Variants in RRM2 observed in about 807,000 individuals in gnomAD.
The protein encoded by RRM2 is ribonucleotide reductase regulatory subunit M2.
A neutral mutation model predicts 45.9 loss-of-function variants in RRM2; 6 were observed. The ratio of observed to expected loss-of-function variants is 0.13; its 90% CI spans 0.07 to 0.26. RRM2 has a LOEUF of 0.26. Among genes scored for constraint, RRM2 ranks in the 10% least tolerant of loss-of-function variants. The pLI, the probability that RRM2 is intolerant of heterozygous loss-of-function variation, is 1.00. For missense variants in RRM2, 343 were observed against 489.5 expected, an observed-to-expected ratio of 0.70 and a Z score of 2.82; for synonymous variants, 177 against 173.0, an observed-to-expected ratio of 1.02 and a Z score of -0.18.
At chr2:10,124,159 G>A (rs1035578543) in intron 4 of RRM2, 4 of 303,042 alleles carry the variant, frequency 1.3e-5, no homozygotes, top group African/African-American at 9.2e-5. Flanking sequence ...AGGCTGGAGT[G>A]CAGTGGTGTG....
intron 3 of RRM2, among the ~76,000 whole-genome samples, chr2:10,145,306 G>A (rs1191501552): frequency 6.6e-6 from 1 of 152,152 alleles, no homozygotes; most frequent in Non-Finnish European, 1.5e-5. Flanking sequence ...GCACGGTGGT[G>A]AGTTAGAGCC....
At chr2:10,174,574 TAA>T (rs5829250) in intron 3 of RRM2, among the ~76,000 whole-genome samples, 3,935 of 143,506 alleles carry the variant, frequency 0.027, 87 homozygotes, top group Non-Finnish European at 0.037. Flanking sequence ...ATTATTTCCT[TAA>T]AAAAAAAAAA....
At chr2:10,151,944 ATT>A (rs1408367028) in intron 3 of RRM2, among the ~76,000 whole-genome samples, 6 of 95,638 alleles carry the variant, frequency 6.3e-5, no homozygotes, top group African/African-American at 2.4e-4. Context: ...TTTATTTTTT[ATT>A]TTTTATTTTA....
chr2:10,210,695 CTG>C (rs1414215719), exon 4 of RRM2: 33 of 1,160,114 alleles, frequency 2.8e-5, no homozygotes, highest in Admixed American at 6.8e-5. Flanking sequence ...GGGTGGGAAA[CTG>C]GGGTGATGTG....
At chr2:10,142,158 G>A in intron 2 of RRM2, 1 of 1,564,504 alleles carries the variant, frequency 6.4e-7, no homozygotes, top group African/African-American at 1.3e-5. Context: ...AGTGGTCAGA[G>A]CAGAGTGAGG....
chr2:10,128,048 C>A (rs903777507), intron 7 of RRM2, among the ~76,000 whole-genome samples: 1 of 151,824 alleles, frequency 6.6e-6, no homozygotes, highest in Non-Finnish European at 1.5e-5. Flanking sequence ...GCCTATTGTC[C>A]CAGCTACTTG....
chr2:10,128,186 T>A (rs1304918689), intron 7 of RRM2, among the ~76,000 whole-genome samples: 4 of 152,290 alleles, frequency 2.6e-5, no homozygotes, highest in Middle Eastern at 3.4e-3. Flanking sequence ...GCCATTATGT[T>A]TCTCCTGTTT....
chr2:10,210,406 A>C, exon 4 of RRM2: 1 of 1,367,852 alleles, frequency 7.3e-7, no homozygotes, highest in South Asian at 1.1e-5. Flanking sequence ...ACAGCAAGAC[A>C]CCCAGAGTCC....
upstream of RRM2, among the ~76,000 whole-genome samples, chr2:10,137,466 G>A (rs777422109): frequency 1.3e-5 from 2 of 152,230 alleles, no homozygotes; most frequent in Middle Eastern, 3.2e-3. Context: ...CCTCTGCTTT[G>A]CCCCTTGTCA....
At position 10,185,205 on chromosome 2, in the gene RRM2, G is replaced by A. The variant is rs1258413468; in HGVS notation, n.483-25106G>A. ...CCACGCAGAGGAGAATCAGTATGCAGCTGTTAATTTTGGCTGCTGACTCCA... is the reference window on the plus strand; with the variant it reads ...CCACGCAGAGGAGAATCAGTATGCAACTGTTAATTTTGGCTGCTGACTCCA... On this transcript the variant is annotated intron_variant and non_coding_transcript_variant, in intron 3 of 3. Coordinates refer to the RRM2 transcript ENST00000381786. The surrounding 1 kb of genome is among the most constrained non-coding windows in gnomAD (Gnocchi z 4.3). Among the ~76,000 whole-genome samples the A allele has an allele frequency of 6.6e-6, 1 of 152,182 alleles. No homozygotes were observed. Among genetic ancestry groups the A allele is most frequent in the Non-Finnish European group, 1.5e-5 (1 of 68,044 alleles).
At chr2:10,160,571 C>T (rs1663534201) in intron 3 of RRM2, among the ~76,000 whole-genome samples, 1 of 152,314 alleles carries the variant, frequency 6.6e-6, no homozygotes, top group African/African-American at 2.4e-5. Flanking sequence ...AAGGCGGTTC[C>T]CTCATGCCCA....
At chr2:10,160,336 A>G (rs999853009) in intron 3 of RRM2, among the ~76,000 whole-genome samples, 1 of 152,178 alleles carries the variant, frequency 6.6e-6, no homozygotes, top group Non-Finnish European at 1.5e-5. Flanking sequence ...GAGCGGTGCC[A>G]AAGTCTGGTT....
At chr2:10,126,799 G>A in intron 5 of RRM2, 76 bp from the exon 6 acceptor site, 3 of 1,091,454 alleles carry the variant, frequency 2.7e-6, no homozygotes, top group African/African-American at 3.1e-5. Context: ...TTGTCCCAGA[G>A]CTCTTATCTA....
chr2:10,157,483 C>T (rs78665945), intron 3 of RRM2, among the ~76,000 whole-genome samples: 6,685 of 152,314 alleles, frequency 0.044, 228 homozygotes, highest in Middle Eastern at 0.1. Flanking sequence ...GGAAACCCCT[C>T]TTGGCTCCTC....
chr2:10,160,012 C>T (rs1222432280), intron 3 of RRM2, among the ~76,000 whole-genome samples: 1 of 152,168 alleles, frequency 6.6e-6, no homozygotes, highest in Admixed American at 6.5e-5. Flanking sequence ...TCTCCCTGCC[C>T]CTCCAGGCCC....
chr2:10,145,089 G>A (rs544103791), intron 3 of RRM2, among the ~76,000 whole-genome samples: 1 of 152,192 alleles, frequency 6.6e-6, no homozygotes, highest in Admixed American at 6.5e-5. Flanking sequence ...AAGGAGGGAG[G>A]GAAGGAGGCC....
At chr2:10,183,317 C>T (rs1214118383) in intron 3 of RRM2, among the ~76,000 whole-genome samples, 1 of 152,248 alleles carries the variant, frequency 6.6e-6, no homozygotes. Flanking sequence ...GCTGATGTGC[C>T]ATCTGACCCC....
intron 3 of RRM2, among the ~76,000 whole-genome samples, chr2:10,150,177 G>A (rs2125314738): frequency 1.3e-5 from 2 of 152,290 alleles, no homozygotes; most frequent in South Asian, 4.1e-4. Flanking sequence ...GCCGGGCGTG[G>A]TGGTGCAAGC....
intron 5 of RRM2, chr2:10,126,653 A>G: frequency 1.8e-6 from 1 of 560,002 alleles, no homozygotes; most frequent in South Asian, 2.4e-5. Flanking sequence ...CAGAATACCC[A>G]AACTTGTATT....
Sources: gnomAD v4.1 joint callset for allele counts (sites outside exome capture counted in the v4.1 genomes callset) on GRCh38, gnomAD v4.1.1 for gene constraint, Gnocchi (gnomAD v3.1) non-coding constraint, MANE v1.5 for transcripts, NCBI Gene and HGNC (gene_info 2026-07-23, HGNC 2026-07-21) for gene names.